PLCB4: variants seen among roughly 807,000 people sequenced by gnomAD.
PLCB4 encodes the protein 1-phosphatidylinositol 4,5-bisphosphate phosphodiesterase beta-4.
In PLCB4, 77 loss-of-function variants were observed where a neutral mutation model predicts 178.8. The ratio of observed to expected loss-of-function variants is 0.43; its 90% CI spans 0.36 to 0.52. PLCB4 has a LOEUF of 0.52. Among genes scored for constraint, PLCB4 ranks in the 20% least tolerant of loss-of-function variants. The pLI, the probability that PLCB4 is intolerant of heterozygous loss-of-function variation, is 0.00. For synonymous variants in PLCB4, 496 were observed against 490.8 expected (o/e 1.01, Z -0.14); for missense variants, 1,024 against 1,453.4 (o/e 0.70, Z 4.80).
chr20:9,321,794 C>G lies in PLCB4; in HGVS notation c.84+13896C>G, dbSNP rs557700141. 2.6e-5 allele frequency among the ~76,000 whole-genome samples: 4 copies of G among 151,938 alleles called. No individual in the cohort carries two copies. The South Asian group carries it at 6.3e-4, about 24-fold the overall frequency. On this transcript the variant is annotated intron_variant, in intron 4 of 39. Coordinates refer to ENST00000378473, the MANE Select transcript of PLCB4 (RefSeq NM_001377142.1). ...GACTACAGGTGCGCACCACCATGCC[C>G]AGCTAATTTTTGTATTTTTAGTAGA... is the stretch of plus-strand genomic sequence containing the variant.
At chr20:9,214,030 A>G (rs2093701569) in intron 2 of PLCB4, among the ~76,000 whole-genome samples, 1 of 152,116 alleles carries the variant, frequency 6.6e-6, no homozygotes, top group South Asian at 2.1e-4. Context: ...TCCTGGATAA[A>G]AGTTCTTTAT....
chr20:9,325,215 G>A (rs1265317417), intron 4 of PLCB4, among the ~76,000 whole-genome samples: 1 of 152,122 alleles, frequency 6.6e-6, no homozygotes. Context: ...TTTATAAGGG[G>A]ACAGCCACAT....
At chr20:9,422,016 G>A (rs1056649905) in intron 27 of PLCB4, among the ~76,000 whole-genome samples, 51 of 152,074 alleles carry the variant, frequency 3.4e-4, no homozygotes, top group Non-Finnish European at 4.4e-4. Context: ...TCTCTCTAAC[G>A]TTCGGTTGTT....
intron 2 of PLCB4, among the ~76,000 whole-genome samples, chr20:9,098,264 T>A (rs1028525130): frequency 1.2e-4 from 19 of 152,172 alleles, no homozygotes; most frequent in African/African-American, 4.6e-4. Flanking sequence ...TGCTGAGTTA[T>A]AAAAATACAC....
At chr20:9,439,829 C>T (rs1023800989) in intron 30 of PLCB4, among the ~76,000 whole-genome samples, 1 of 152,172 alleles carries the variant, frequency 6.6e-6, no homozygotes, top group Non-Finnish European at 1.5e-5. Flanking sequence ...AGTTTGAAGA[C>T]CATTAAGTTA....
At chr20:9,340,497 A>G (rs1221914016) in intron 7 of PLCB4, among the ~76,000 whole-genome samples, 2 of 152,182 alleles carry the variant, frequency 1.3e-5, no homozygotes, top group Admixed American at 6.5e-5. Context: ...TCGATGTCAC[A>G]TAAGAGTGTT....
chr20:9,125,840 G>T (rs1378834207), intron 2 of PLCB4, among the ~76,000 whole-genome samples: 3 of 152,110 alleles, frequency 2.0e-5, no homozygotes, highest in Non-Finnish European at 4.4e-5. Context: ...TCTACTATGT[G>T]CCAGGCACAA....
intron 2 of PLCB4, among the ~76,000 whole-genome samples, chr20:9,156,835 C>A: frequency 9.2e-6 from 1 of 109,222 alleles, no homozygotes; most frequent in Non-Finnish European, 1.9e-5. Context: ...CTCCCTCCCT[C>A]CCTCCCTCCC....
At chr20:9,222,114 A>G (rs2093807433) in intron 3 of PLCB4, among the ~76,000 whole-genome samples, 2 of 123,018 alleles carry the variant, frequency 1.6e-5, no homozygotes. Flanking sequence ...TTATTTTGAC[A>G]GGGTCTGGTT....
intron 7 of PLCB4, among the ~76,000 whole-genome samples, chr20:9,342,673 C>CA (rs1471535973): frequency 1.5e-4 from 22 of 149,356 alleles, no homozygotes; most frequent in African/African-American, 5.2e-4. Context: ...TTTTTTTTCC[C>CA]CCTGTACTTT....
chr20:9,352,402 G>A (rs2034428324), intron 7 of PLCB4, among the ~76,000 whole-genome samples: 1 of 152,158 alleles, frequency 6.6e-6, no homozygotes. Context: ...GATCCAATAG[G>A]ACATTGCTAC....
intron 19 of PLCB4, 23 bp downstream of exon 19, chr20:9,395,641 A>G: frequency 6.7e-7 from 1 of 1,486,326 alleles, no homozygotes; most frequent in Non-Finnish European, 9.4e-7. Context: ...CTTTTATTTT[A>G]AGTTACATGC....
intron 3 of PLCB4, among the ~76,000 whole-genome samples, chr20:9,264,538 A>T (rs1164975361): frequency 6.6e-6 from 1 of 152,174 alleles, no homozygotes; most frequent in African/African-American, 2.4e-5. Flanking sequence ...ATGTTGTTGG[A>T]GTAGAAATGT....
At chr20:9,344,108 A>G (rs986370133) in intron 7 of PLCB4, among the ~76,000 whole-genome samples, 1 of 152,154 alleles carries the variant, frequency 6.6e-6, no homozygotes, top group South Asian at 2.1e-4. Flanking sequence ...AGAACCCTCC[A>G]AGGCCCTGCT....
At chr20:9,118,221 C>G (rs1268343227) in intron 2 of PLCB4, among the ~76,000 whole-genome samples, 1 of 106,222 alleles carries the variant, frequency 9.4e-6, no homozygotes, top group African/African-American at 3.7e-5. Flanking sequence ...TCCCTCCCCC[C>G]TCCCCCCACC....
At chr20:9,177,646 C>G (rs577212213) in intron 2 of PLCB4, among the ~76,000 whole-genome samples, 91 of 152,256 alleles carry the variant, frequency 6.0e-4, no homozygotes, top group Non-Finnish European at 1.0e-3. Context: ...GAGCTTGCAT[C>G]AAGTCATGAA....
intron 4 of PLCB4, among the ~76,000 whole-genome samples, chr20:9,326,642 C>CA (rs2030630545): frequency 6.6e-6 from 1 of 152,112 alleles, no homozygotes; most frequent in African/African-American, 2.4e-5. Context: ...CTCTTCTGTT[C>CA]ACTATACCCC....
intron 2 of PLCB4, among the ~76,000 whole-genome samples, chr20:9,130,871 C>T (rs572933081): frequency 1.3e-5 from 2 of 152,280 alleles, no homozygotes; most frequent in African/African-American, 2.4e-5. Flanking sequence ...TTATGTCCAT[C>T]AAAATAGGGG....
Position 9,408,921 on chromosome 20 carries a change from T to A in PLCB4, c.1875-136T>A. 3.7e-6 allele frequency: 3 copies of A among 816,518 alleles called. No homozygotes were observed. In the South Asian group the frequency reaches 4.8e-5, roughly 13 times the overall value. 50.6% of individuals were successfully genotyped at this position (816,518 alleles called of 1,614,324 possible). A position where few individuals can be genotyped will look rare whatever the true frequency, so the allele number is the denominator to read the frequency against. ...AGTGAACTGTGATCTTAAGCATCAT[T>A]TGTAAATGTGAAATCTGCTCTGTGC... On this transcript the variant is annotated intron_variant, in intron 23 of 39. Coordinates refer to ENST00000378473, the MANE Select transcript of PLCB4 (RefSeq NM_001377142.1).
Sources: gnomAD v4.1 joint callset for allele counts (sites outside exome capture counted in the v4.1 genomes callset) on GRCh38, gnomAD v4.1.1 for gene constraint, MANE v1.5 for transcripts, NCBI Gene and HGNC (gene_info 2026-07-23, HGNC 2026-07-21) for gene names.